RPH3A: variants seen among roughly 807,000 people sequenced by gnomAD.
RPH3A encodes rabphilin 3A.
In RPH3A, 48 loss-of-function variants were observed where a neutral mutation model predicts 102.2. The observed-to-expected ratio is 0.47, with a 90% CI of 0.37 to 0.60. The LOEUF (loss-of-function observed/expected upper bound fraction) is 0.60, where lower values mean the gene tolerates loss of function less well. RPH3A is among the 20% of genes least tolerant of loss of function. The pLI is 0.00. For synonymous variants in RPH3A, 310 were observed against 324.3 expected, an observed-to-expected ratio of 0.96 and a Z score of 0.47; for missense variants, 781 against 910.1, an observed-to-expected ratio of 0.86 and a Z score of 1.83.
intron 1 of RPH3A, among the ~76,000 whole-genome samples, chr12:112,742,732 G>A (rs957864106): frequency 6.6e-6 from 1 of 152,170 alleles, no homozygotes; most frequent in Non-Finnish European, 1.5e-5. Context: ...GGAGCTTGGG[G>A]TGGCACATGG....
intron 3 of RPH3A, among the ~76,000 whole-genome samples, chr12:112,834,816 C>A (rs1180711286): frequency 6.6e-6 from 1 of 152,094 alleles, no homozygotes; most frequent in African/African-American, 2.4e-5. Flanking sequence ...TTAAGTTTTA[C>A]AAGTTTTCTT....
intron 1 of RPH3A, among the ~76,000 whole-genome samples, chr12:112,590,556 G>C (rs1278165126): frequency 6.6e-6 from 1 of 152,308 alleles, no homozygotes; most frequent in South Asian, 2.1e-4. Context: ...ATGGCTCATG[G>C]GGTGACTCAG....
At chr12:112,773,065 C>T (rs973277800) in intron 1 of RPH3A, among the ~76,000 whole-genome samples, 1 of 151,976 alleles carries the variant, frequency 6.6e-6, no homozygotes, top group Non-Finnish European at 1.5e-5. Flanking sequence ...GCTGTTAATT[C>T]ATTCCTTTTT....
At chr12:112,639,831 G>A (rs768140940) in intron 1 of RPH3A, among the ~76,000 whole-genome samples, 5 of 152,130 alleles carry the variant, frequency 3.3e-5, no homozygotes, top group African/African-American at 7.2e-5. Flanking sequence ...TCCGCATGAC[G>A]TCTGGTAACA....
intron 1 of RPH3A, among the ~76,000 whole-genome samples, chr12:112,785,499 A>T (rs1245128749): frequency 6.6e-6 from 1 of 152,194 alleles, no homozygotes; most frequent in Non-Finnish European, 1.5e-5. Context: ...ATCTCAGCAC[A>T]ATGTGTATCA....
At chr12:112,666,786 A>C (rs902321811) in intron 1 of RPH3A, among the ~76,000 whole-genome samples, 25 of 152,306 alleles carry the variant, frequency 1.6e-4, no homozygotes, top group African/African-American at 6.0e-4. Context: ...CCAAAGCAAA[A>C]GTCCTGAGAA....
chr12:112,712,668 T>G (rs2040470457), intron 1 of RPH3A, among the ~76,000 whole-genome samples: 1 of 151,876 alleles, frequency 6.6e-6, no homozygotes, highest in African/African-American at 2.4e-5. Context: ...TGTGTGTGTG[T>G]GTGTATGTGT....
intron 1 of RPH3A, among the ~76,000 whole-genome samples, chr12:112,575,634 A>G (rs1394066152): frequency 4.6e-5 from 7 of 151,936 alleles, no homozygotes; most frequent in Non-Finnish European, 1.0e-4. Flanking sequence ...GGCTGCGGCG[A>G]AGGTAGCTCC....
intron 1 of RPH3A, among the ~76,000 whole-genome samples, chr12:112,757,096 A>G (rs1016961897): frequency 6.6e-6 from 1 of 152,154 alleles, no homozygotes; most frequent in Non-Finnish European, 1.5e-5. Flanking sequence ...TTTCTTATTG[A>G]TTCCCTCAAT....
At chr12:112,660,146 G>A (rs1592930390) in intron 1 of RPH3A, among the ~76,000 whole-genome samples, 1 of 152,088 alleles carries the variant, frequency 6.6e-6, no homozygotes, top group Non-Finnish European at 1.5e-5. Flanking sequence ...TGCATATTAT[G>A]TATCTATGCA....
At chr12:112,730,872 C>T (rs2040628027) in intron 1 of RPH3A, among the ~76,000 whole-genome samples, 1 of 152,156 alleles carries the variant, frequency 6.6e-6, no homozygotes, top group African/African-American at 2.4e-5. Flanking sequence ...ATGAGGCCAG[C>T]CCTGGCCATT....
chr12:112,868,545 C>T lies in RPH3A; in HGVS notation c.560C>T (p.Pro187Leu). ...CAGCCTGTCAGTGAGCCTGCTGCCCCTGAACAGCCTGCTCCTGAGCCCAAG... is the reference window on the plus strand; with the variant it reads ...CAGCCTGTCAGTGAGCCTGCTGCCCTTGAACAGCCTGCTCCTGAGCCCAAG... ...PQQPVSEPAA[P>L]EQPAPEPKHP... The change falls in exon 8 of 22, where the codon CCT becomes CTT. Residue 187 changes from proline (P) to leucine (L), a missense_variant. Coordinates refer to ENST00000389385, the MANE Select transcript of RPH3A (RefSeq NM_001143854.2). 1 of 1,614,156 alleles carries T rather than the reference C, an allele frequency of 6.2e-7. No homozygotes were observed. Among genetic ancestry groups the T allele is most frequent in the South Asian group, 1.1e-5 (1 of 91,074 alleles).
intron 1 of RPH3A, among the ~76,000 whole-genome samples, chr12:112,708,526 A>G (rs1264452978): frequency 6.6e-6 from 1 of 152,192 alleles, no homozygotes; most frequent in Non-Finnish European, 1.5e-5. Context: ...GCAAAGCGTT[A>G]GGACCAGCGT....
intron 1 of RPH3A, chr12:112,651,720 C>G (rs933836417): frequency 6.6e-6 from 1 of 152,200 alleles, no homozygotes; most frequent in African/African-American, 2.4e-5. Flanking sequence ...AACAGAAACT[C>G]TGTACCTGTT....
chr12:112,757,686 C>A (rs1045169844), intron 1 of RPH3A, among the ~76,000 whole-genome samples: 1 of 152,120 alleles, frequency 6.6e-6, no homozygotes, highest in Admixed American at 6.5e-5. Context: ...TAAAACTGTA[C>A]AGAACTGATA....
chr12:112,856,308 G>T (rs1713462780), intron 5 of RPH3A, among the ~76,000 whole-genome samples: 1 of 152,210 alleles, frequency 6.6e-6, no homozygotes, highest in African/African-American at 2.4e-5. Context: ...AGGTCAGTTT[G>T]GGCTTTTTGT....
chr12:112,585,235 GGCCTCTCCTAGTTCAGT>G (rs2039430144), intron 1 of RPH3A, among the ~76,000 whole-genome samples: 1 of 152,168 alleles, frequency 6.6e-6, no homozygotes, highest in Non-Finnish European at 1.5e-5. Context: ...AGGGTGGGTA[GGCCTCTCCTAGTTCAGT>G]GACACAAATG....
At chr12:112,696,812 C>T (rs2040355734) in intron 1 of RPH3A, among the ~76,000 whole-genome samples, 1 of 152,200 alleles carries the variant, frequency 6.6e-6, no homozygotes, top group African/African-American at 2.4e-5. Flanking sequence ...CCTACTCTAC[C>T]TCTTTCAGTA....
At chr12:112,722,205 C>T (rs2040556336) in intron 1 of RPH3A, among the ~76,000 whole-genome samples, 1 of 152,224 alleles carries the variant, frequency 6.6e-6, no homozygotes, top group Non-Finnish European at 1.5e-5. Context: ...TACCTCCCAT[C>T]ATGCCTCAGA....
Sources: gnomAD v4.1 joint callset for allele counts (sites outside exome capture counted in the v4.1 genomes callset) on GRCh38, gnomAD v4.1.1 for gene constraint, MANE v1.5 for transcripts, NCBI Gene and HGNC (gene_info 2026-07-23, HGNC 2026-07-21) for gene names.